RBKS: variants seen among roughly 807,000 people sequenced by gnomAD.
The protein encoded by RBKS is ribokinase.
RBKS carries 33 observed loss-of-function variants against 33.9 expected under a neutral mutation model. That is an observed-to-expected ratio of 0.97 (90% CI 0.74 to 1.30). RBKS has a LOEUF of 1.30. RBKS is among the 50% of genes most tolerant of loss of function. The probability of loss-of-function intolerance (pLI) is 0.00; values close to 1 mark genes in which losing one functional copy is unlikely to be tolerated. For synonymous variants in RBKS, 125 were observed against 143.0 expected (o/e 0.87, Z 0.90); for missense variants, 361 against 392.6 (o/e 0.92, Z 0.68).
At chr2:27,843,008 C>G (rs34139736) in intron 5 of RBKS, 59 bp downstream of exon 5, 125,188 of 1,332,656 alleles carry the variant, frequency 0.094, 6,800 homozygotes, top group East Asian at 0.22. Context: ...AAAAGGTTAA[C>G]TTTAATTAAG....
intron 7 of RBKS, chr2:27,809,865 G>A: frequency 8.3e-7 from 1 of 1,205,348 alleles, no homozygotes; most frequent in Non-Finnish European, 1.1e-6. Flanking sequence ...TTCTGCTGAT[G>A]CACAAAATTT....
At chr2:27,815,949 T>C (rs961712267) in intron 7 of RBKS, among the ~76,000 whole-genome samples, 2 of 152,210 alleles carry the variant, frequency 1.3e-5, no homozygotes, top group Non-Finnish European at 2.9e-5. Context: ...TCTACTACCA[T>C]ATTCCTCTTT....
chr2:27,873,629 T>C (rs1202167924), intron 1 of RBKS, among the ~76,000 whole-genome samples: 3 of 152,132 alleles, frequency 2.0e-5, no homozygotes, highest in Non-Finnish European at 4.4e-5. Flanking sequence ...AAAAAACCAA[T>C]ATTGTTGCTA....
chr2:27,833,258 G>A (rs1022792142), intron 5 of RBKS, among the ~76,000 whole-genome samples: 6 of 152,232 alleles, frequency 3.9e-5, no homozygotes, highest in Non-Finnish European at 7.4e-5. Context: ...GGTGGGAACA[G>A]TAAGCGGGAA....
At chr2:27,823,854 G>A (rs1678263911) in intron 7 of RBKS, among the ~76,000 whole-genome samples, 2 of 152,180 alleles carry the variant, frequency 1.3e-5, no homozygotes, top group Non-Finnish European at 2.9e-5. Context: ...CCATTCATAA[G>A]TGAATTGCTT....
rs1678342210 is a variant in RBKS at position 27,827,756 on chromosome 2, C to A, written c.607-1G>T. 1 of 1,581,090 alleles carries A rather than the reference C, an allele frequency of 6.3e-7. No homozygotes were observed. Among genetic ancestry groups the A allele is most frequent in the Non-Finnish European group, 8.6e-7 (1 of 1,166,554 alleles). On this transcript the variant is annotated splice_acceptor_variant, in intron 6 of 7. Coordinates refer to ENST00000302188, the MANE Select transcript of RBKS (RefSeq NM_022128.3). LOFTEE classifies it high-confidence loss of function. ...CCGTGAGGCCAGTTAAAATCTCAGC[C>A]TAGAATACACAAAAGTCAACAGAAA...
At chr2:27,800,837 C>T (rs900964260) in intron 7 of RBKS, among the ~76,000 whole-genome samples, 1 of 152,130 alleles carries the variant, frequency 6.6e-6, no homozygotes, top group Admixed American at 6.5e-5. Context: ...ATGAGGGATG[C>T]CAGGCTCCAG....
chr2:27,865,045 G>A (rs1341106397), intron 1 of RBKS, among the ~76,000 whole-genome samples: 1 of 152,186 alleles, frequency 6.6e-6, no homozygotes, highest in Non-Finnish European at 1.5e-5. Context: ...TTTAGGCCGG[G>A]CGCGACGGCT....
At chr2:27,877,518 ACTAT>A (rs1281432775) in intron 1 of RBKS, among the ~76,000 whole-genome samples, 1 of 152,064 alleles carries the variant, frequency 6.6e-6, no homozygotes, top group Non-Finnish European at 1.5e-5. Context: ...AGAGAATTTG[ACTAT>A]CTCTTAATTA....
chr2:27,866,198 T>C (rs938715243), intron 1 of RBKS, among the ~76,000 whole-genome samples: 1 of 152,220 alleles, frequency 6.6e-6, no homozygotes, highest in Non-Finnish European at 1.5e-5. Flanking sequence ...TAGAATTCCA[T>C]GTTGACAGTT....
At chr2:27,782,786 C>A (rs1487757338) in intron 7 of RBKS, 1 of 290,364 alleles carries the variant, frequency 3.4e-6, no homozygotes, top group Non-Finnish European at 7.5e-6. Context: ...TTTTTTTTTT[C>A]ATGTTGGAAA....
chr2:27,791,881 T>C (rs1164934407), intron 7 of RBKS, among the ~76,000 whole-genome samples: 1 of 152,134 alleles, frequency 6.6e-6, no homozygotes, highest in East Asian at 1.9e-4. Context: ...CTCTAGGTTA[T>C]GATTATAGTG....
Position 27,858,572 on chromosome 2 carries a change from C to A in RBKS, c.90-1G>T, listed in dbSNP as rs140948699. On this transcript the variant is annotated splice_acceptor_variant, in intron 1 of 7. Coordinates refer to ENST00000302188, the MANE Select transcript of RBKS (RefSeq NM_022128.3). LOFTEE classifies it high-confidence loss of function. ...AGTTTTTGGCAAACGAGAAGTAAGA[C>A]TATTGTAATTTAAAAAGAGAAGAAA... 3.1e-6 allele frequency: 5 copies of A among 1,609,508 alleles called. No homozygotes were observed. The highest frequency in any genetic ancestry group is 4.2e-6 in the Non-Finnish European group (5 of 1,178,566).
chr2:27,847,593 G>A (rs980422476), intron 3 of RBKS, among the ~76,000 whole-genome samples: 4 of 152,176 alleles, frequency 2.6e-5, no homozygotes, highest in African/African-American at 9.7e-5. Flanking sequence ...GCCCTGAACT[G>A]GAATCAGAAG....
At chr2:27,806,046 AT>A (rs1677890770) in intron 7 of RBKS, among the ~76,000 whole-genome samples, 1 of 151,362 alleles carries the variant, frequency 6.6e-6, no homozygotes, top group South Asian at 2.1e-4. Flanking sequence ...TGGGTGGTTA[AT>A]TTTTTTGGTA....
At chr2:27,799,120 G>A (rs893010980) in intron 7 of RBKS, among the ~76,000 whole-genome samples, 5 of 152,198 alleles carry the variant, frequency 3.3e-5, no homozygotes, top group African/African-American at 9.6e-5. Flanking sequence ...TCCCAGGAAC[G>A]CCCTGTAGGA....
At position 27,840,758 on chromosome 2, in the gene RBKS, T is replaced by G. The variant is rs536180896; in HGVS notation, c.514+2309A>C. 5.3e-5 allele frequency among the ~76,000 whole-genome samples: 8 copies of G among 152,236 alleles called. No homozygotes were observed. The East Asian group carries it at 1.5e-3, about 29-fold the overall frequency. Reference sequence around the variant, plus strand: ...GTGGTTTAAACTAGGAGACAGAACTTGGGTCTTAGAGTCTGAAATCATGGT... The same window carrying G: ...GTGGTTTAAACTAGGAGACAGAACTGGGGTCTTAGAGTCTGAAATCATGGT... On this transcript the variant is annotated intron_variant, in intron 5 of 7. Transcript: ENST00000302188.
Position 27,781,645 on chromosome 2 carries a change from G to GT in RBKS, c.938dup (p.Tyr313Ter), listed in dbSNP as rs1183903164. ...QAAGTQSSYP[Y>*]KKDLPLTLF ...ACAGAGTAAGCGGAAGGTCTTTTTT[G>GT]TAAGGGTAAGATGACTGTGTTCCTG... The change falls in exon 8 of 8, where the codon TAC becomes TAAC. Residue 313 changes from tyrosine to a stop codon, truncating the protein, a stop_gained and frameshift_variant. Coordinates refer to ENST00000302188, the MANE Select transcript of RBKS (RefSeq NM_022128.3). LOFTEE classifies it high-confidence loss of function. The GT allele has an allele frequency of 6.2e-7, 1 of 1,610,946 alleles. No homozygotes were observed. Among genetic ancestry groups the GT allele is most frequent in the East Asian group, 2.2e-5 (1 of 44,814 alleles).
intron 7 of RBKS, among the ~76,000 whole-genome samples, chr2:27,813,667 C>CTA (rs905978978): frequency 7.1e-4 from 106 of 149,758 alleles, no homozygotes; most frequent in African/African-American, 2.1e-3. Context: ...ATCTATATAT[C>CTA]TATATATATA....
Sources: gnomAD v4.1 joint callset for allele counts (sites outside exome capture counted in the v4.1 genomes callset) on GRCh38, gnomAD v4.1.1 for gene constraint, MANE v1.5 for transcripts, NCBI Gene and HGNC (gene_info 2026-07-23, HGNC 2026-07-21) for gene names.